The following GALNT13 variants were observed in gnomAD, a reference collection of about 807,000 sequenced individuals.
GALNT13 encodes polypeptide N-acetylgalactosaminyltransferase 13.
A neutral mutation model predicts 64.2 loss-of-function variants in GALNT13; 28 were observed. That is an observed-to-expected ratio of 0.44 (90% CI 0.32 to 0.60). GALNT13 has a LOEUF of 0.60. Ranked by LOEUF, GALNT13 falls within the 20% of genes least tolerant of loss-of-function variation. The pLI is 0.05. For synonymous variants in GALNT13, 214 were observed against 224.6 expected, an observed-to-expected ratio of 0.95 and a Z score of 0.42; for missense variants, 577 against 669.8, an observed-to-expected ratio of 0.86 and a Z score of 1.53.
chr2:153,083,447 GT>G, the GALNT13 span, among the ~76,000 whole-genome samples: 1 of 152,098 alleles, frequency 6.6e-6, no homozygotes, highest in Non-Finnish European at 1.5e-5. Flanking sequence ...CAGGAGTAAG[GT>G]GGTATCGCAT....
chr2:153,698,689 A>G, the GALNT13 span, among the ~76,000 whole-genome samples: 2 of 152,278 alleles, frequency 1.3e-5, no homozygotes, highest in African/African-American at 2.4e-5. Context: ...TGAGACAGAA[A>G]ATTAACAAGG....
At chr2:153,112,745 T>G in the GALNT13 span, among the ~76,000 whole-genome samples, 1 of 152,202 alleles carries the variant, frequency 6.6e-6, no homozygotes, top group African/African-American at 2.4e-5. Context: ...TAACTTCCCC[T>G]TTAAAAGACA....
At chr2:154,336,402 G>A (rs1695447977) in intron 9 of GALNT13, among the ~76,000 whole-genome samples, 2 of 152,022 alleles carry the variant, frequency 1.3e-5, no homozygotes, top group Non-Finnish European at 2.9e-5. Flanking sequence ...ATTCACGTCA[G>A]AGATATTCTT....
At chr2:153,217,804 A>C in the GALNT13 span, among the ~76,000 whole-genome samples, 2 of 152,068 alleles carry the variant, frequency 1.3e-5, no homozygotes, top group Non-Finnish European at 2.9e-5. Flanking sequence ...GTTATACCTA[A>C]GTCTGATCCT....
At chr2:153,916,838 G>A (rs1391728473) in intron 2 of GALNT13, among the ~76,000 whole-genome samples, 1 of 152,096 alleles carries the variant, frequency 6.6e-6, no homozygotes, top group East Asian at 1.9e-4. Context: ...CCTTTTAGAT[G>A]GGATTGAGTC....
intron 8 of GALNT13, among the ~76,000 whole-genome samples, chr2:154,271,648 T>G (rs1251849948): frequency 6.6e-6 from 1 of 151,954 alleles, no homozygotes; most frequent in African/African-American, 2.4e-5. Context: ...TCTGGAGAAT[T>G]GTAAGCATAT....
chr2:154,310,309 A>G (rs1693964433), intron 9 of GALNT13, among the ~76,000 whole-genome samples: 1 of 152,178 alleles, frequency 6.6e-6, no homozygotes, highest in Non-Finnish European at 1.5e-5. Context: ...CTGAGCTCAA[A>G]TCTATTATAT....
intron 4 of GALNT13, among the ~76,000 whole-genome samples, chr2:154,211,087 A>T (rs1687732964): frequency 6.6e-6 from 1 of 152,084 alleles, no homozygotes; most frequent in Non-Finnish European, 1.5e-5. Flanking sequence ...GGCTTTATAT[A>T]GAAATGTGTG....
chr2:153,379,313 T>A, the GALNT13 span, among the ~76,000 whole-genome samples: 3 of 152,278 alleles, frequency 2.0e-5, no homozygotes, highest in African/African-American at 7.2e-5. Flanking sequence ...AGAGGTTTTT[T>A]AATTCTTAAC....
intron 3 of GALNT13, among the ~76,000 whole-genome samples, chr2:154,112,333 T>A (rs921012455): frequency 6.6e-6 from 1 of 152,186 alleles, no homozygotes; most frequent in African/African-American, 2.4e-5. Context: ...ATGGGCCCAT[T>A]GGGCGATAAC....
At chr2:153,074,993 A>G in the GALNT13 span, among the ~76,000 whole-genome samples, 2 of 152,166 alleles carry the variant, frequency 1.3e-5, no homozygotes, top group Non-Finnish European at 2.9e-5. Context: ...TTGGCCTCCC[A>G]AAGTGCTGGG....
the GALNT13 span, among the ~76,000 whole-genome samples, chr2:153,304,629 C>T: frequency 6.6e-6 from 1 of 152,090 alleles, no homozygotes; most frequent in Non-Finnish European, 1.5e-5. Context: ...TTTTCCCTCC[C>T]CATAATTAAG....
At chr2:153,490,010 C>CACAA in the GALNT13 span, among the ~76,000 whole-genome samples, 1 of 148,586 alleles carries the variant, frequency 6.7e-6, no homozygotes, top group African/African-American at 2.6e-5. Context: ...CACACACACA[C>CACAA]AAACACACAA....
At chr2:153,265,439 A>G in the GALNT13 span, among the ~76,000 whole-genome samples, 1 of 152,110 alleles carries the variant, frequency 6.6e-6, no homozygotes, top group Admixed American at 6.5e-5. Flanking sequence ...GTTGCTTTCT[A>G]CTGTGACAGG....
At chr2:153,433,485 T>C in the GALNT13 span, among the ~76,000 whole-genome samples, 1 of 152,206 alleles carries the variant, frequency 6.6e-6, no homozygotes, top group African/African-American at 2.4e-5. Context: ...ACGTTAACTT[T>C]GTTTTCTTTT....
At chr2:153,385,967 A>AT in the GALNT13 span, among the ~76,000 whole-genome samples, 116 of 152,014 alleles carry the variant, frequency 7.6e-4, no homozygotes, top group South Asian at 5.6e-3. Flanking sequence ...ACTTTTCTGG[A>AT]TTTTTTCAGT....
chr2:153,099,063 A>G, the GALNT13 span, among the ~76,000 whole-genome samples: 1 of 152,194 alleles, frequency 6.6e-6, no homozygotes, highest in Non-Finnish European at 1.5e-5. Flanking sequence ...CAGTGAACTG[A>G]GATTGCGCCA....
chr2:154,426,849 A>G (rs548480457), intron 11 of GALNT13, among the ~76,000 whole-genome samples: 11 of 152,320 alleles, frequency 7.2e-5, no homozygotes, highest in Non-Finnish European at 1.6e-4. Flanking sequence ...TCTGTTTCCC[A>G]TAAAGACTAG....
the GALNT13 span, among the ~76,000 whole-genome samples, chr2:153,585,786 T>C: frequency 6.6e-6 from 1 of 151,322 alleles, no homozygotes; most frequent in African/African-American, 2.4e-5. Flanking sequence ...TTCAAAGTAC[T>C]GACAGAAAAA....
Sources: allele counts gnomAD v4.1 joint callset (sites outside exome capture counted in the v4.1 genomes callset), GRCh38; gene constraint gnomAD v4.1.1; transcripts MANE v1.5; gene names NCBI Gene and HGNC (gene_info 2026-07-23, HGNC 2026-07-21).